Variants in DLG1 observed in about 807,000 individuals in gnomAD.
The protein encoded by DLG1 is discs large MAGUK scaffold protein 1, also known as disks large homolog 1.
In DLG1, 42 loss-of-function variants were observed where a neutral mutation model predicts 123.4. That is an observed-to-expected ratio of 0.34 (90% CI 0.27 to 0.44). The LOEUF is 0.44. DLG1 is among the 20% of genes least tolerant of loss of function. The pLI, the probability that DLG1 is intolerant of heterozygous loss-of-function variation, is 1.00. For synonymous variants in DLG1, 317 were observed against 356.2 expected (o/e 0.89, Z 1.24); for missense variants, 942 against 1,082.6 (o/e 0.87, Z 1.82).
At chr3:197,296,535 T>A in intron 2 of DLG1, 58 bp from the exon 3 acceptor site, 1 of 1,501,658 alleles carries the variant, frequency 6.7e-7, no homozygotes, top group East Asian at 2.3e-5. Context: ...AAGTATCACA[T>A]ACTAGTGCAA....
rs140591132 is a variant in DLG1, at chr3:197,242,985, G to C, written c.318+39694C>G. Among the ~76,000 whole-genome samples the C allele has an allele frequency of 1.3e-4, 20 of 152,260 alleles. No individual in the cohort carries two copies. The East Asian group carries it at 3.7e-3, about 28-fold the overall frequency. On this transcript the variant is annotated intron_variant, in intron 4 of 24. Transcript: ENST00000667157. ...GCCTTGTGTTAGAAATAAGAGCTCA[G>C]AGTTGCAAAGAAAATGAGCACTCAA...
At chr3:197,197,915 A>G (rs907671550) in intron 4 of DLG1, among the ~76,000 whole-genome samples, 2 of 152,208 alleles carry the variant, frequency 1.3e-5, no homozygotes, top group Non-Finnish European at 2.9e-5. Flanking sequence ...AACAAATGAT[A>G]TTGGGACAAC....
chr3:197,150,839 A>T (rs888662767), intron 5 of DLG1, among the ~76,000 whole-genome samples: 24 of 152,106 alleles, frequency 1.6e-4, no homozygotes, highest in African/African-American at 5.3e-4. Context: ...GCTTAAAGAC[A>T]ACCTAGTTTC....
chr3:197,207,221 C>T (rs1729022847), intron 4 of DLG1, among the ~76,000 whole-genome samples: 1 of 152,118 alleles, frequency 6.6e-6, no homozygotes, highest in Non-Finnish European at 1.5e-5. Flanking sequence ...CAAAGTTACA[C>T]AAACTTTACG....
At chr3:197,296,744 CCAAAGTAAAAGAT>C (rs1236638249) in intron 2 of DLG1, 1 of 383,846 alleles carries the variant, frequency 2.6e-6, no homozygotes, top group African/African-American at 2.1e-5. Context: ...TGGTAGTTTG[CCAAAGTAAAAGAT>C]CAAAGTATTA....
At chr3:197,085,457 TG>T in intron 16 of DLG1, 122 bp downstream of exon 16, 1 of 971,150 alleles carries the variant, frequency 1.0e-6, no homozygotes, top group Non-Finnish European at 1.6e-6. Context: ...TTTCTGTGTC[TG>T]GCTTTTTTCA....
intron 4 of DLG1, among the ~76,000 whole-genome samples, chr3:197,246,107 C>T (rs183525435): frequency 6.6e-5 from 10 of 152,262 alleles, no homozygotes; most frequent in African/African-American, 2.4e-4. Context: ...TTATTGCAAA[C>T]AATTCACATG....
Position 197,281,228 on chromosome 3 carries a change from G to A in DLG1, c.318+1451C>T, listed in dbSNP as rs557177169. On this transcript the variant is annotated intron_variant, in intron 4 of 24. Transcript: ENST00000667157. The stretch of plus-strand genomic sequence containing the variant: ...AATTTTTGTATTTTAGACGTGAGAC[G>A]TGGTTTCACCATGTTGGCCAGGCTG... Among the ~76,000 whole-genome samples, 6 of 152,202 alleles carry A rather than the reference G, an allele frequency of 3.9e-5. No homozygotes were observed. In the East Asian group the frequency reaches 9.7e-4, roughly 25 times the overall value.
intron 22 of DLG1, among the ~76,000 whole-genome samples, chr3:197,060,742 G>A (rs1735203636): frequency 6.6e-6 from 1 of 152,156 alleles, no homozygotes; most frequent in Non-Finnish European, 1.5e-5. Flanking sequence ...GCATTTCCAT[G>A]TTAAGCATAG....
chr3:197,257,135 T>C (rs751017236), intron 4 of DLG1, among the ~76,000 whole-genome samples: 7 of 152,162 alleles, frequency 4.6e-5, no homozygotes, highest in Non-Finnish European at 8.8e-5. Context: ...AGACTTTCTT[T>C]TAACATATTT....
At position 197,278,650 on chromosome 3, in the gene DLG1, TTAC is replaced by T. The variant is rs535966222; in HGVS notation, c.318+4026_318+4028del. On this transcript the variant is annotated intron_variant, in intron 4 of 24. Transcript: ENST00000667157. Reference sequence around the variant, plus strand: ...GGATACTAATCCTGTCCCTTTAAATTTACTACATCAGAAGAAATAGAACAAACA... The same window carrying T: ...GGATACTAATCCTGTCCCTTTAAATTTACATCAGAAGAAATAGAACAAACA... 2.0e-3 allele frequency among the ~76,000 whole-genome samples: 297 copies of T among 152,052 alleles called. 2 individuals carry two copies. Among genetic ancestry groups the T allele is most frequent in the African/African-American group, 6.9e-3 (288 of 41,470 alleles).
Position 197,169,372 on chromosome 3 carries a change from T to C in DLG1, c.484-19576A>G, listed in dbSNP as rs182133357. 3.9e-5 allele frequency among the ~76,000 whole-genome samples: 6 copies of C among 152,266 alleles called. 1 individual carries two copies. The highest frequency in any genetic ancestry group is 3.9e-4 in the East Asian group (2 of 5,186). On this transcript the variant is annotated intron_variant, in intron 5 of 24. Coordinates refer to ENST00000667157, the MANE Select transcript of DLG1 (RefSeq NM_001366207.1). ...CTGTAATAATCCAGCTGAAAGGTTATTGGTGGCTTAAACTGAATGGTGGTA... is the reference window on the plus strand; with the variant it reads ...CTGTAATAATCCAGCTGAAAGGTTACTGGTGGCTTAAACTGAATGGTGGTA...
Position 197,073,338 on chromosome 3 carries a change from A to G in DLG1, c.2005+3248T>C, listed in dbSNP as rs1208294715. Among the ~76,000 whole-genome samples the G allele has an allele frequency of 6.6e-5, 10 of 152,342 alleles. No individual in the cohort carries two copies. In the East Asian group the frequency reaches 1.2e-3, roughly 18 times the overall value. ...TGTAAAAATGGAAAGCCTACATGTAATAAGAACAAACCTTGTCTCAAATCT... is the reference window on the plus strand; with the variant it reads ...TGTAAAAATGGAAAGCCTACATGTAGTAAGAACAAACCTTGTCTCAAATCT... On this transcript the variant is annotated intron_variant, in intron 18 of 24. Coordinates refer to ENST00000667157, the MANE Select transcript of DLG1 (RefSeq NM_001366207.1).
At chr3:197,062,116 G>A (rs958688780) in intron 22 of DLG1, among the ~76,000 whole-genome samples, 4 of 151,960 alleles carry the variant, frequency 2.6e-5, no homozygotes, top group African/African-American at 4.8e-5. Context: ...TGGGAGTTAC[G>A]TCCCAATAAA....
intron 4 of DLG1, among the ~76,000 whole-genome samples, chr3:197,205,059 T>C (rs893973942): frequency 6.6e-6 from 1 of 151,906 alleles, no homozygotes; most frequent in African/African-American, 2.4e-5. Flanking sequence ...TACCAAAAAA[T>C]AAAAAATAAA....
intron 24 of DLG1, among the ~76,000 whole-genome samples, chr3:197,048,722 C>G (rs1725151671): frequency 6.6e-6 from 1 of 152,158 alleles, no homozygotes; most frequent in South Asian, 2.1e-4. Flanking sequence ...ATTGTGCGAT[C>G]TTGGCTCACT....
chr3:197,127,493 TATAA>T (rs1442036867), intron 11 of DLG1, among the ~76,000 whole-genome samples: 1 of 50,892 alleles, frequency 2.0e-5, no homozygotes, highest in Non-Finnish European at 3.8e-5. Context: ...TATATATATA[TATAA>T]AGTAAGAAAC....
intron 4 of DLG1, among the ~76,000 whole-genome samples, chr3:197,265,011 T>C (rs1389010058): frequency 6.6e-6 from 1 of 152,160 alleles, no homozygotes; most frequent in African/African-American, 2.4e-5. Flanking sequence ...TACTTACAGG[T>C]TTTAAGGCTG....
intron 3 of DLG1, among the ~76,000 whole-genome samples, chr3:197,286,698 T>C (rs2151192724): frequency 6.6e-6 from 1 of 152,318 alleles, no homozygotes; most frequent in East Asian, 1.9e-4. Context: ...AATGACAATA[T>C]ATTAATATTG....
Sources: allele counts gnomAD v4.1 joint callset (sites outside exome capture counted in the v4.1 genomes callset), GRCh38; gene constraint gnomAD v4.1.1; transcripts MANE v1.5; gene names NCBI Gene and HGNC (gene_info 2026-07-23, HGNC 2026-07-21).